The following PDSS1 variants were observed in gnomAD, a reference collection of about 807,000 sequenced individuals.
The protein encoded by PDSS1 is all trans-polyprenyl-diphosphate synthase PDSS1.
In PDSS1, 43 loss-of-function variants were observed where a neutral mutation model predicts 57.5. The observed-to-expected ratio is 0.75, with a 90% CI of 0.59 to 0.96. PDSS1 has a LOEUF of 0.96. PDSS1 is among the 50% of genes least tolerant of loss of function. The pLI is 0.00. For synonymous variants in PDSS1, 175 were observed against 191.3 expected (o/e 0.91, Z 0.70); for missense variants, 438 against 527.8 (o/e 0.83, Z 1.67).
intron 5 of PDSS1, among the ~76,000 whole-genome samples, chr10:26,719,862 A>AC (rs904061711): frequency 1.3e-5 from 2 of 152,106 alleles, no homozygotes; most frequent in Non-Finnish European, 2.9e-5. Context: ...TTCCCTATCC[A>AC]CCCCAAAATT....
intron 5 of PDSS1, chr10:26,717,981 T>G (rs2132253468): frequency 6.6e-6 from 1 of 152,262 alleles, no homozygotes; most frequent in African/African-American, 2.4e-5. Flanking sequence ...GGGATTCAGG[T>G]GGCTTAAAAC....
intron 4 of PDSS1, among the ~76,000 whole-genome samples, chr10:26,708,774 C>T (rs1027167518): frequency 5.3e-5 from 8 of 152,056 alleles, no homozygotes; most frequent in Admixed American, 2.0e-4. Flanking sequence ...GAGTTATGAT[C>T]GTGCCACTGC....
rs1005725211 is a variant in PDSS1 at position 26,740,695 on chromosome 10, A to T, written c.1027-1802A>T. ...GCTGCTGTAAGCACTGACGTGGCCA[A>T]AATCAAACACATCTTACCTCTTCCG... On this transcript the variant is annotated intron_variant, in intron 10 of 11. Coordinates refer to ENST00000376215, the MANE Select transcript of PDSS1 (RefSeq NM_014317.5). The T allele has an allele frequency of 2.0e-5, 9 of 456,580 alleles. 1 individual carries two copies. The highest frequency in any genetic ancestry group is 6.5e-4 in the Middle Eastern group (2 of 3,098). The allele number at this position is 456,580 out of a possible 1,614,324, so 28.3% of individuals were successfully genotyped here.
intron 2 of PDSS1, among the ~76,000 whole-genome samples, chr10:26,702,407 T>G (rs905790767): frequency 5.3e-5 from 8 of 152,166 alleles, no homozygotes; most frequent in African/African-American, 1.9e-4. Flanking sequence ...TGGAGGTAAT[T>G]GGATCCTGGG....
Position 26,746,691 on chromosome 10 carries a change from A to ATAAAT in PDSS1, c.*221_*225dup, listed in dbSNP as rs760339238. Reference sequence around the variant, plus strand: ...CACCTGAATCTGTCATTCTAGTCCTATAAATTATAATCAAGGTATCTTGAT... The same window carrying ATAAAT: ...CACCTGAATCTGTCATTCTAGTCCTATAAATTAAATTATAATCAAGGTATCTTGAT... On this transcript the variant is annotated 3_prime_UTR_variant, in exon 12 of 12. Transcript: ENST00000376215. 109 of 534,878 alleles carry ATAAAT rather than the reference A, an allele frequency of 2.0e-4. No homozygotes were observed. Among genetic ancestry groups the ATAAAT allele is most frequent in the Non-Finnish European group, 3.4e-4 (101 of 298,240 alleles). The allele number at this position is 534,878 out of a possible 1,614,324, so 33.1% of individuals were successfully genotyped here.
chr10:26,728,928 G>A (rs1018512153), intron 8 of PDSS1, among the ~76,000 whole-genome samples: 7 of 151,856 alleles, frequency 4.6e-5, no homozygotes, highest in African/African-American at 1.5e-4. Flanking sequence ...ACATGCGGCT[G>A]CCACCATACC....
At position 26,723,839 on chromosome 10, in the gene PDSS1, G is replaced by A; in HGVS notation, c.643G>A (p.Ala215Thr). 1 of 1,613,206 alleles carries A rather than the reference G, an allele frequency of 6.2e-7. No individual in the cohort carries two copies. The highest frequency in any genetic ancestry group is 8.5e-7 in the Non-Finnish European group (1 of 1,179,176). ...TGCTGGAGATTTAATTCTTTCTGCA[G>A]CATCTATAGCTCTGGCACGAATTGG... ...VLAGDLILSA[A>T]SIALARIGNT... The change falls in exon 7 of 12, where the codon GCA (alanine) becomes ACA (threonine). Residue 215 changes from alanine to threonine, a missense_variant. Around this residue, in one of 2 missense-constraint regions of PDSS1, gnomAD observed 284 missense variants for 390.7 expected, o/e 0.73. Transcript: ENST00000376215.
chr10:26,708,450 C>T (rs1350990607), intron 4 of PDSS1, among the ~76,000 whole-genome samples: 2 of 152,250 alleles, frequency 1.3e-5, no homozygotes, highest in Non-Finnish European at 2.9e-5. Context: ...CTGCACTGAT[C>T]TCTTCCTTCC....
At position 26,697,785 on chromosome 10, in the gene PDSS1, C is replaced by T. The variant is rs863224160; in HGVS notation, c.74C>T (p.Ser25Phe). ...GCGGCGCGGAGCCCCGGGCCCGGCT[C>T]CCCCGGCCGTGCGGGACCGTTGGGG... is the stretch of plus-strand genomic sequence containing the variant. ...KPAARSPGPG[S>F]PGRAGPLGPS... Residue 25 changes from serine to phenylalanine, a missense_variant, in exon 1 of 12, where the codon TCC becomes TTC. This residue lies in a region of PDSS1 where 154 missense variants were observed against 137.0 expected (regional missense o/e 1.12). Coordinates refer to ENST00000376215, the MANE Select transcript of PDSS1 (RefSeq NM_014317.5). The T allele has an allele frequency of 5.4e-6, 7 of 1,307,564 alleles. No individual in the cohort carries two copies. The South Asian group carries it at 6.9e-5, about 13-fold the overall frequency. The allele number at this position is 1,307,564 out of a possible 1,614,324, so 81.0% of individuals were successfully genotyped here.
chr10:26,738,348 C>A (rs563830504), intron 10 of PDSS1, among the ~76,000 whole-genome samples: 2 of 152,318 alleles, frequency 1.3e-5, no homozygotes, highest in Admixed American at 6.5e-5. Context: ...CAAAATTAAA[C>A]ATCTGGTAAA....
intron 8 of PDSS1, among the ~76,000 whole-genome samples, chr10:26,730,014 G>A (rs1460144292): frequency 1.4e-5 from 2 of 141,774 alleles, no homozygotes; most frequent in African/African-American, 5.2e-5. Flanking sequence ...CCGGGTTCAC[G>A]CCATTCTCCT....
intron 8 of PDSS1, among the ~76,000 whole-genome samples, chr10:26,731,210 G>A (rs904379943): frequency 6.6e-6 from 1 of 152,010 alleles, no homozygotes; most frequent in Admixed American, 6.6e-5. Context: ...GTATGGTGGT[G>A]GGTGCCTGTA....
chr10:26,740,002 C>T (rs1193614674), intron 10 of PDSS1, among the ~76,000 whole-genome samples: 7 of 152,096 alleles, frequency 4.6e-5, no homozygotes, highest in South Asian at 4.1e-4. Flanking sequence ...ATTAGCTGGG[C>T]GTGGTGGCTT....
At chr10:26,722,760 A>G (rs554041823) in intron 6 of PDSS1, among the ~76,000 whole-genome samples, 1 of 152,196 alleles carries the variant, frequency 6.6e-6, no homozygotes, top group East Asian at 1.9e-4. Context: ...AATGTGATAT[A>G]TAGGGTGTAT....
intron 1 of PDSS1, among the ~76,000 whole-genome samples, chr10:26,698,454 A>C (rs1359346118): frequency 2.0e-5 from 3 of 152,184 alleles, no homozygotes; most frequent in Non-Finnish European, 4.4e-5. Flanking sequence ...GGAGGAGAGA[A>C]ACCCTGGAGT....
Position 26,746,344 on chromosome 10 carries a change from G to A in PDSS1, c.1119G>A (p.Val373=). Residue 373 remains valine, a synonymous_variant, in exon 12 of 12, where the codon GTG becomes GTA. Coordinates refer to ENST00000376215, the MANE Select transcript of PDSS1 (RefSeq NM_014317.5). ...TCTGTATCTTATAGAGTGATGGTGTGCAACAAACAACCTACCTCGCCCAGC... is the reference window on the plus strand; with the variant it reads ...TCTGTATCTTATAGAGTGATGGTGTACAACAAACAACCTACCTCGCCCAGC... The part of the protein sequence containing the change: ...ARQYVLQSDG[V]QQTTYLAQQY... 2 of 1,614,058 alleles carry A rather than the reference G, an allele frequency of 1.2e-6. No homozygotes were observed. The highest frequency in any genetic ancestry group is 1.7e-6 in the Non-Finnish European group (2 of 1,179,954).
At chr10:26,720,632 A>T (rs1835752189) in intron 6 of PDSS1, among the ~76,000 whole-genome samples, 1 of 152,232 alleles carries the variant, frequency 6.6e-6, no homozygotes, top group African/African-American at 2.4e-5. Context: ...AATGTATTTC[A>T]TGAGGAATCA....
chr10:26,732,082 G>A (rs1199594463), intron 8 of PDSS1, among the ~76,000 whole-genome samples: 1 of 152,230 alleles, frequency 6.6e-6, no homozygotes, highest in African/African-American at 2.4e-5. Context: ...ACAGTCAGCC[G>A]AGCTCCACTT....
intron 11 of PDSS1, among the ~76,000 whole-genome samples, chr10:26,745,963 T>C (rs1003293202): frequency 2.0e-5 from 3 of 152,236 alleles, no homozygotes; most frequent in Admixed American, 1.3e-4. Context: ...CTTTATTCTT[T>C]ATTTTTTAAG....
Sources: allele counts gnomAD v4.1 joint callset (sites outside exome capture counted in the v4.1 genomes callset), GRCh38; gene constraint gnomAD v4.1.1; regional missense constraint gnomAD v4.1.1; transcripts MANE v1.5; gene names NCBI Gene and HGNC (gene_info 2026-07-23, HGNC 2026-07-21).